MARCHF1: variants seen among roughly 807,000 people sequenced by gnomAD.
The protein encoded by MARCHF1 is E3 ubiquitin-protein ligase MARCHF1.
MARCHF1 carries 40 observed loss-of-function variants against 54.2 expected under a neutral mutation model. That is an observed-to-expected ratio of 0.74 (90% CI 0.57 to 0.96). The LOEUF is 0.96. Among genes scored for constraint, MARCHF1 ranks in the 40% least tolerant of loss-of-function variants. The pLI, the probability that MARCHF1 is intolerant of heterozygous loss-of-function variation, is 0.00. For missense variants in MARCHF1, 586 were observed against 656.5 expected, an observed-to-expected ratio of 0.89 and a Z score of 1.17; for synonymous variants, 236 against 236.3, an observed-to-expected ratio of 1.00 and a Z score of 0.01.
chr4:164,099,707 G>A (rs1293144912), intron 2 of MARCHF1, among the ~76,000 whole-genome samples: 3 of 151,888 alleles, frequency 2.0e-5, no homozygotes, highest in Admixed American at 1.3e-4. Flanking sequence ...ATGAGAGTTT[G>A]TCATGCTTAA....
chr4:164,326,999 G>A (rs113571609), intron 1 of MARCHF1, among the ~76,000 whole-genome samples: 2,559 of 149,224 alleles, frequency 0.017, 66 homozygotes, highest in African/African-American at 0.059. Context: ...GTGTGTGTGT[G>A]TATGACTTAG....
intron 1 of MARCHF1, among the ~76,000 whole-genome samples, chr4:164,337,029 G>A (rs6536809): frequency 1.3e-5 from 2 of 152,008 alleles, no homozygotes; most frequent in South Asian, 4.2e-4. Context: ...GGAAAGGAGG[G>A]TGAGAAGAGA....
chr4:164,156,271 A>G (rs1730074553), intron 1 of MARCHF1, among the ~76,000 whole-genome samples: 1 of 152,200 alleles, frequency 6.6e-6, no homozygotes, highest in Non-Finnish European at 1.5e-5. Flanking sequence ...TGTTTGTCTT[A>G]GATATTCATT....
intron 1 of MARCHF1, among the ~76,000 whole-genome samples, chr4:164,113,303 T>C (rs570589192): frequency 2.6e-5 from 4 of 152,036 alleles, no homozygotes; most frequent in Admixed American, 2.6e-4. Context: ...AGATTAGGAT[T>C]ATGTATTCTA....
At chr4:164,269,913 C>G (rs547478447) in intron 1 of MARCHF1, among the ~76,000 whole-genome samples, 30 of 152,250 alleles carry the variant, frequency 2.0e-4, no homozygotes, top group Admixed American at 4.6e-4. Flanking sequence ...CAGTAGCCTC[C>G]TAAATGTTCC....
At chr4:163,768,804 G>T (rs1398287966) in intron 4 of MARCHF1, among the ~76,000 whole-genome samples, 1 of 152,126 alleles carries the variant, frequency 6.6e-6, no homozygotes, top group Admixed American at 6.5e-5. Flanking sequence ...CTGGCAGATA[G>T]GTAGCAAAGT....
At chr4:163,894,564 T>C (rs1188567208) in intron 3 of MARCHF1, among the ~76,000 whole-genome samples, 1 of 134,430 alleles carries the variant, frequency 7.4e-6, no homozygotes, top group Non-Finnish European at 1.7e-5. Flanking sequence ...CACATGCATA[T>C]ATATATATGC....
chr4:163,612,765 CTGAATCCAA>C lies in MARCHF1; in HGVS notation c.507_515del (p.His169_Ile171del). 1 of 1,535,364 alleles carries C rather than the reference CTGAATCCAA, an allele frequency of 6.5e-7. No homozygotes were observed. Among genetic ancestry groups the C allele is most frequent in the African/African-American group, 1.4e-5 (1 of 73,058 alleles). ...ATTTAACCTGGGCTCTTCTTTTTGC[CTGAATCCAA>C]TGACTCTCATCTGTGGAAGATGAAT... On this transcript the variant is annotated inframe_deletion, in exon 7 of 10. Coordinates refer to ENST00000514618, the MANE Select transcript of MARCHF1 (RefSeq NM_001394959.1).
rs557966406 is a variant in MARCHF1, at chr4:164,222,880, C to G, written c.-322-111218G>C. 1.2e-4 allele frequency among the ~76,000 whole-genome samples: 18 copies of G among 151,914 alleles called. No homozygotes were observed. The South Asian group carries it at 3.8e-3, about 32-fold the overall frequency. On this transcript the variant is annotated intron_variant, in intron 1 of 9. Coordinates refer to ENST00000514618, the MANE Select transcript of MARCHF1 (RefSeq NM_001394959.1). ...TCTCACTCTGCTAATAAAGACATAC[C>G]CAAGACTGGGTAATTTATAAAGTAA...
At chr4:163,529,160 T>A in intron 9 of MARCHF1, 114 bp from the exon 10 acceptor site, 1 of 696,750 alleles carries the variant, frequency 1.4e-6, no homozygotes, top group Non-Finnish European at 2.4e-6. Context: ...TTATGTATGT[T>A]AACAGAAATA....
At chr4:164,039,373 G>A (rs1340130030) in intron 2 of MARCHF1, among the ~76,000 whole-genome samples, 1 of 152,118 alleles carries the variant, frequency 6.6e-6, no homozygotes, top group African/African-American at 2.4e-5. Context: ...AACCTGGGTT[G>A]AAATTGCATT....
intron 4 of MARCHF1, among the ~76,000 whole-genome samples, chr4:163,751,192 T>C (rs1412516232): frequency 1.3e-5 from 2 of 151,558 alleles, no homozygotes; most frequent in Non-Finnish European, 2.9e-5. Flanking sequence ...AGAGTCCCTC[T>C]ATATTGGCCA....
chr4:163,655,931 C>T (rs1003198568), intron 5 of MARCHF1, among the ~76,000 whole-genome samples: 1 of 151,906 alleles, frequency 6.6e-6, no homozygotes, highest in Non-Finnish European at 1.5e-5. Context: ...ATTTATAGCA[C>T]TAAATGACCA....
At chr4:163,677,330 T>C (rs1283435468) in intron 5 of MARCHF1, among the ~76,000 whole-genome samples, 4 of 152,160 alleles carry the variant, frequency 2.6e-5, no homozygotes, top group Admixed American at 2.6e-4. Flanking sequence ...GATTTGGTCA[T>C]CATTTATTCC....
chr4:163,958,851 A>G (rs1481190127), intron 3 of MARCHF1, among the ~76,000 whole-genome samples: 1 of 151,988 alleles, frequency 6.6e-6, no homozygotes, highest in African/African-American at 2.4e-5. Flanking sequence ...AATAGAAAAT[A>G]ACAAAAATGA....
At chr4:163,863,430 TAGAC>T (rs1749983732) in intron 3 of MARCHF1, among the ~76,000 whole-genome samples, 1 of 152,056 alleles carries the variant, frequency 6.6e-6, no homozygotes. Context: ...ACAGAACAAT[TAGAC>T]AGAGGTTTGG....
chr4:163,995,496 G>T (rs556843112), intron 2 of MARCHF1, among the ~76,000 whole-genome samples: 7 of 152,004 alleles, frequency 4.6e-5, no homozygotes, highest in African/African-American at 1.7e-4. Flanking sequence ...CTGCAATCCT[G>T]CTTGGTGTCT....
At chr4:164,377,591 GCACACACACA>G (rs56204290) in intron 1 of MARCHF1, among the ~76,000 whole-genome samples, 1 of 149,416 alleles carries the variant, frequency 6.7e-6, no homozygotes, top group Admixed American at 6.7e-5. Context: ...TACTTTTTAT[GCACACACACA>G]CACACACACA....
At chr4:164,200,574 T>G (rs542635866) in intron 1 of MARCHF1, among the ~76,000 whole-genome samples, 1 of 152,338 alleles carries the variant, frequency 6.6e-6, no homozygotes, top group East Asian at 1.9e-4. Context: ...GTTTGCAAAC[T>G]AAATGGATCC....
Sources: allele counts gnomAD v4.1 joint callset (sites outside exome capture counted in the v4.1 genomes callset), GRCh38; gene constraint gnomAD v4.1.1; transcripts MANE v1.5; gene names NCBI Gene and HGNC (gene_info 2026-07-23, HGNC 2026-07-21).